ENTREP1: variants seen among roughly 807,000 people sequenced by gnomAD.
The protein encoded by ENTREP1 is Friedreich ataxia region gene X123.
At chr9:69,340,765 G>A in the ENTREP1 span, among the ~76,000 whole-genome samples, 8 of 121,994 alleles carry the variant, frequency 6.6e-5, no homozygotes, top group East Asian at 5.6e-4. Flanking sequence ...GTGCGTGCAT[G>A]TGTGTGTGTG....
chr9:69,350,590 C>T, the ENTREP1 span, among the ~76,000 whole-genome samples: 1 of 152,128 alleles, frequency 6.6e-6, no homozygotes, highest in African/African-American at 2.4e-5. Flanking sequence ...AGGTCTCATG[C>T]ATTCTTTTTC....
At chr9:69,343,092 C>G in the ENTREP1 span, among the ~76,000 whole-genome samples, 5 of 152,192 alleles carry the variant, frequency 3.3e-5, no homozygotes, top group Non-Finnish European at 7.3e-5. Flanking sequence ...TAGAAGTAAC[C>G]TTTCTGCCAA....
the ENTREP1 span, among the ~76,000 whole-genome samples, chr9:69,329,974 A>G: frequency 1.0e-5 from 1 of 98,240 alleles, no homozygotes; most frequent in Non-Finnish European, 2.0e-5. Context: ...GTTAATGTTA[A>G]CTAGATTCCA....
chr9:69,371,076 G>A, the ENTREP1 span, among the ~76,000 whole-genome samples: 2 of 152,112 alleles, frequency 1.3e-5, no homozygotes, highest in Admixed American at 1.3e-4. Flanking sequence ...GTGATTTCTG[G>A]ATAGTAAAGG....
chr9:69,329,784 T>C, the ENTREP1 span: 4 of 887,308 alleles, frequency 4.5e-6, no homozygotes, highest in Admixed American at 6.2e-5. Context: ...TAGTGTTAAC[T>C]AGATTCCACT....
chr9:69,391,664 G>T, the ENTREP1 span: 2 of 1,614,150 alleles, frequency 1.2e-6, no homozygotes, highest in Non-Finnish European at 8.5e-7. Flanking sequence ...GAGACAGCCT[G>T]GCCTGCTGCA....
At chr9:69,361,180 T>C in the ENTREP1 span, among the ~76,000 whole-genome samples, 171 of 152,302 alleles carry the variant, frequency 1.1e-3, no homozygotes, top group African/African-American at 3.9e-3. Flanking sequence ...AATGTATAAA[T>C]TGCTGAATTT....
the ENTREP1 span, among the ~76,000 whole-genome samples, chr9:69,329,947 T>C: frequency 6.4e-4 from 81 of 125,800 alleles, no homozygotes; most frequent in African/African-American, 2.4e-3. Context: ...TTAATTAGAT[T>C]CCACTGGGGT....
chr9:69,387,704 G>A, the ENTREP1 span: 2 of 364,304 alleles, frequency 5.5e-6, no homozygotes, highest in Non-Finnish European at 1.1e-5. Flanking sequence ...AGTGATCAGA[G>A]CATTACATTC....
chr9:69,333,725 C>G, the ENTREP1 span, among the ~76,000 whole-genome samples: 1 of 152,260 alleles, frequency 6.6e-6, no homozygotes, highest in East Asian at 1.9e-4. Flanking sequence ...ATATTTTTTA[C>G]TGAATTGGGA....
chr9:69,327,634 G>GAAAAGAAAAGAAAAGA, the ENTREP1 span, among the ~76,000 whole-genome samples: 207 of 150,546 alleles, frequency 1.4e-3, 1 homozygote, highest in Non-Finnish European at 2.1e-3. Context: ...GAAAAGAAAA[G>GAAAAGAAAAGAAAAGA]AAAAAAAAAG....
chr9:69,343,247 G>C, the ENTREP1 span, among the ~76,000 whole-genome samples: 1 of 152,208 alleles, frequency 6.6e-6, no homozygotes, highest in South Asian at 2.1e-4. Context: ...AAAACAGAGT[G>C]TGTGAACAAT....
the ENTREP1 span, among the ~76,000 whole-genome samples, chr9:69,358,894 T>C: frequency 7.3e-6 from 1 of 137,904 alleles, no homozygotes; most frequent in African/African-American, 2.7e-5. Context: ...TTCTTTTTCT[T>C]TTTCTTTCTT....
At chr9:69,362,044 A>G in the ENTREP1 span, among the ~76,000 whole-genome samples, 47 of 152,258 alleles carry the variant, frequency 3.1e-4, no homozygotes, top group East Asian at 8.9e-3. Flanking sequence ...TTTAAAACCT[A>G]TTAGTGAATA....
chr9:69,367,285 A>G, the ENTREP1 span, among the ~76,000 whole-genome samples: 1 of 151,322 alleles, frequency 6.6e-6, no homozygotes, highest in Admixed American at 6.6e-5. Flanking sequence ...ATAACCTTTG[A>G]AGTCAGGTAA....
chr9:69,357,179 C>T, the ENTREP1 span, among the ~76,000 whole-genome samples: 5 of 151,886 alleles, frequency 3.3e-5, no homozygotes, highest in East Asian at 1.9e-4. Flanking sequence ...CTGAGGGACC[C>T]GGGATAGGGC....
At chr9:69,326,552 G>A in the ENTREP1 span, among the ~76,000 whole-genome samples, 1 of 152,074 alleles carries the variant, frequency 6.6e-6, no homozygotes, top group South Asian at 2.1e-4. Flanking sequence ...CTGCCAGCCA[G>A]TATCTATGGA....
the ENTREP1 span, among the ~76,000 whole-genome samples, chr9:69,349,444 G>A: frequency 6.6e-6 from 1 of 152,096 alleles, no homozygotes; most frequent in African/African-American, 2.4e-5. Flanking sequence ...AACACTGATC[G>A]TCTGTTTTTT....
the ENTREP1 span, among the ~76,000 whole-genome samples, chr9:69,376,419 C>G: frequency 6.6e-6 from 1 of 152,178 alleles, no homozygotes; most frequent in Non-Finnish European, 1.5e-5. Flanking sequence ...AGGTATTAAA[C>G]AAACAGATGA....
Sources: allele counts gnomAD v4.1 joint callset (sites outside exome capture counted in the v4.1 genomes callset), GRCh38; gene constraint gnomAD v4.1.1; transcripts MANE v1.5; gene names NCBI Gene and HGNC (gene_info 2026-07-23, HGNC 2026-07-21).